The following LINC00632 variants were observed in gnomAD, a reference collection of about 807,000 sequenced individuals.
LINC00632 encodes long independently transcribed non-coding RNA 632.
At chrX:140,718,440 C>G (rs1602732182) in intron 2 of LINC00632, among the ~76,000 whole-genome samples, 2 of 98,885 alleles carry the variant, frequency 2.0e-5, no homozygotes, top group East Asian at 6.5e-4. Flanking sequence ...GAGATGGAGT[C>G]TCGCTCTTGT....
intron 2 of LINC00632, among the ~76,000 whole-genome samples, chrX:140,724,585 CACAG>C (rs1319861384): frequency 5.3e-4 from 7 of 13,331 alleles, no homozygotes; most frequent in Non-Finnish European, 6.3e-4. Context: ...TCCATACACG[CACAG>C]ACACACATTC....
At chrX:140,784,225 C>T (rs1353247503) in exon 5 of LINC00632, 1 of 1,210,214 alleles carries the variant, frequency 8.3e-7, no homozygotes, top group Non-Finnish European at 1.1e-6. Context: ...AAAGCCATGT[C>T]TTCCATCAAA....
At chrX:140,742,877 G>GAA (rs61610211) in intron 3 of LINC00632, among the ~76,000 whole-genome samples, 4 of 94,410 alleles carry the variant, frequency 4.2e-5, no homozygotes, top group African/African-American at 1.6e-4. Context: ...GAGAGAGAGA[G>GAA]AGGAAGGAAG....
chrX:140,761,167 G>T (rs1931589118), intron 3 of LINC00632, among the ~76,000 whole-genome samples: 1 of 112,500 alleles, frequency 8.9e-6, no homozygotes, highest in African/African-American at 3.2e-5. Flanking sequence ...CTCAAGTACA[G>T]CTGCATTTAG....
At chrX:140,717,532 G>A (rs766990758) in intron 2 of LINC00632, among the ~76,000 whole-genome samples, 5 of 110,723 alleles carry the variant, frequency 4.5e-5, no homozygotes, top group African/African-American at 1.6e-4. Context: ...ATGCAGACTT[G>A]CACGAAAACA....
chrX:140,762,390 G>C (rs1047143552), intron 3 of LINC00632, among the ~76,000 whole-genome samples: 1 of 112,255 alleles, frequency 8.9e-6, no homozygotes, highest in Non-Finnish European at 1.9e-5. Flanking sequence ...GAAAAGCAGA[G>C]ACAGCCTGTA....
rs748073440 is a variant in LINC00632 at position 140,723,974 on chromosome X, TACAC to T, written n.105-9896_105-9893del. Reference sequence around the variant, plus strand: ...TACACATGCACAGTTACCCATTCCATACACACACACATTCCATACACAGACACAC... The same window carrying T: ...TACACATGCACAGTTACCCATTCCATACACACATTCCATACACAGACACAC... On this transcript the variant is annotated intron_variant and non_coding_transcript_variant, in intron 2 of 4. Transcript: ENST00000648200. Among the ~76,000 whole-genome samples the T allele has an allele frequency of 8.1e-5, 5 of 61,429 alleles. No individual in the cohort carries two copies. The East Asian group carries it at 3.0e-3, about 36-fold the overall frequency. The allele number at this position is 61,429 out of a possible 115,157, so 53.3% of individuals were successfully genotyped here.
chrX:140,753,768 CTTTT>C (rs752596283), intron 3 of LINC00632, among the ~76,000 whole-genome samples: 3 of 49,729 alleles, frequency 6.0e-5, no homozygotes, highest in African/African-American at 9.7e-5. Flanking sequence ...TTCTTTCTTT[CTTTT>C]TTTTTTTTTT....
chrX:140,784,241 G>A, exon 5 of LINC00632: 1 of 1,211,533 alleles, frequency 8.3e-7, no homozygotes. Context: ...TCAAATTAAT[G>A]TCTTCCAGCC....
chrX:140,739,408 A>T (rs901355716), intron 3 of LINC00632, among the ~76,000 whole-genome samples: 1 of 109,913 alleles, frequency 9.1e-6, no homozygotes, highest in Non-Finnish European at 1.9e-5. Flanking sequence ...TTTAGTAGAG[A>T]TGGGGTTTCT....
intron 2 of LINC00632, chrX:140,712,365 A>T (rs905124858): frequency 4.2e-5 from 4 of 96,181 alleles, no homozygotes; most frequent in Admixed American, 1.1e-4. Context: ...ATTGTGTGTT[A>T]AAAAAAAAAA....
exon 5 of LINC00632, among the ~76,000 whole-genome samples, chrX:140,776,244 G>A (rs7885095): frequency 0.058 from 5,997 of 104,158 alleles, 184 homozygotes; most frequent in Admixed American, 0.2. Flanking sequence ...GATCCGGTGC[G>A]GAGAGCCCCT....
At chrX:140,763,648 C>T (rs1931637140) in intron 3 of LINC00632, among the ~76,000 whole-genome samples, 2 of 111,256 alleles carry the variant, frequency 1.8e-5, no homozygotes, top group Admixed American at 1.9e-4. Context: ...GACAAGACTT[C>T]TCCAGTAAAA....
exon 5 of LINC00632, among the ~76,000 whole-genome samples, chrX:140,790,985 AT>A (rs944356464): frequency 8.2e-5 from 9 of 109,752 alleles, no homozygotes; most frequent in Admixed American, 5.9e-4. Context: ...GTTTGTATCT[AT>A]TTTTTTTTCT....
At chrX:140,758,959 CTTTTCTT>C (rs1257911458) in intron 3 of LINC00632, among the ~76,000 whole-genome samples, 2 of 81,914 alleles carry the variant, frequency 2.4e-5, no homozygotes, top group Non-Finnish European at 4.6e-5. Context: ...TTTTTCTTTT[CTTTTCTT>C]TTTTTTTTTT....
chrX:140,716,780 TACACACACACACAC>T (rs200811174), intron 2 of LINC00632, among the ~76,000 whole-genome samples: 2 of 89,822 alleles, frequency 2.2e-5, no homozygotes, highest in African/African-American at 8.1e-5. Context: ...GCCCACAACA[TACACACACACACAC>T]ACACACACAC....
chrX:140,768,533 AAC>A (rs1339567622), intron 3 of LINC00632, among the ~76,000 whole-genome samples: 2 of 101,483 alleles, frequency 2.0e-5, no homozygotes, highest in Non-Finnish European at 3.9e-5. Context: ...TAATATATAT[AAC>A]ACATATAATA....
intron 3 of LINC00632, among the ~76,000 whole-genome samples, chrX:140,740,975 T>C (rs1321484993): frequency 1.8e-5 from 2 of 112,162 alleles, no homozygotes; most frequent in Non-Finnish European, 3.8e-5. Context: ...TTAGGAATCA[T>C]AGTTGTAGAA....
At chrX:140,762,212 A>AGAGAGG (rs1931604609) in intron 3 of LINC00632, among the ~76,000 whole-genome samples, 1 of 33,512 alleles carries the variant, frequency 3.0e-5, no homozygotes, top group Admixed American at 2.8e-4. Context: ...TTTCGAAAAG[A>AGAGAGG]GAGAGAGAGA....
Sources: gnomAD v4.1 joint callset for allele counts (sites outside exome capture counted in the v4.1 genomes callset) on GRCh38, gnomAD v4.1.1 for gene constraint, MANE v1.5 for transcripts, NCBI Gene and HGNC (gene_info 2026-07-23, HGNC 2026-07-21) for gene names.